The following XRN1 variants were observed in gnomAD, a reference collection of about 807,000 sequenced individuals.
XRN1 encodes strand-exchange protein 1 homolog.
Under a neutral mutation model 222.3 loss-of-function variants are expected in XRN1, and 67 were observed. The observed-to-expected ratio is 0.30, with a 90% CI of 0.25 to 0.37. The LOEUF (loss-of-function observed/expected upper bound fraction) is 0.37. Ranked by LOEUF, XRN1 falls within the 10% of genes least tolerant of loss-of-function variation. The pLI is 1.00. For synonymous variants in XRN1, 643 were observed against 652.4 expected (o/e 0.99, Z 0.22); for missense variants, 1,707 against 2,000.2 (o/e 0.85, Z 2.80).
intron 32 of XRN1, among the ~76,000 whole-genome samples, chr3:142,352,518 C>G (rs1437655269): frequency 6.6e-6 from 1 of 151,766 alleles, no homozygotes; most frequent in Non-Finnish European, 1.5e-5. Flanking sequence ...TTTATTTTAC[C>G]ATTTATGTTT....
intron 3 of XRN1, 118 bp from the exon 4 acceptor site, chr3:142,425,656 C>A: frequency 1.3e-6 from 1 of 755,630 alleles, no homozygotes; most frequent in Non-Finnish European, 2.1e-6. Flanking sequence ...TATAGGATCT[C>A]CAAAGAAGGT....
At chr3:142,347,377 C>T in intron 32 of XRN1, 35 bp from the exon 33 acceptor site, 4 of 1,318,626 alleles carry the variant, frequency 3.0e-6, no homozygotes, top group Non-Finnish European at 4.1e-6. Flanking sequence ...TAAACAAAAT[C>T]TTAATATTAT....
chr3:142,394,355 T>A (rs1464000590), intron 20 of XRN1, among the ~76,000 whole-genome samples: 3 of 152,112 alleles, frequency 2.0e-5, no homozygotes, highest in African/African-American at 7.2e-5. Flanking sequence ...AAACACAGGG[T>A]AGAATGTTTC....
chr3:142,397,204 A>C, intron 20 of XRN1, 125 bp downstream of exon 20: 1 of 933,062 alleles, frequency 1.1e-6, no homozygotes, highest in East Asian at 3.0e-5. Flanking sequence ...TTACTTTCTA[A>C]AACAGGATGA....
intron 1 of XRN1, among the ~76,000 whole-genome samples, chr3:142,437,305 T>G (rs2069958017): frequency 6.6e-6 from 1 of 152,250 alleles, no homozygotes. Context: ...TCTTACCATC[T>G]TATCCATTTC....
chr3:142,412,120 G>A lies in XRN1; in HGVS notation c.1713+424C>T, dbSNP rs113780914. Reference sequence around the variant, plus strand: ...ATTACAGGCGTGAGCCACCGCGCCCGGCCATCCTTACTGAATTTTTGTCCT... The same window carrying A: ...ATTACAGGCGTGAGCCACCGCGCCCAGCCATCCTTACTGAATTTTTGTCCT... On this transcript the variant is annotated intron_variant, in intron 15 of 40. Transcript: ENST00000392981. Among the ~76,000 whole-genome samples the A allele has an allele frequency of 5.0e-3, 768 of 152,158 alleles. 9 individuals are homozygous for A. Among genetic ancestry groups the A allele is most frequent in the African/African-American group, 0.018 (740 of 41,514 alleles).
chr3:142,346,744 G>A (rs2066154110), intron 33 of XRN1, among the ~76,000 whole-genome samples: 1 of 152,208 alleles, frequency 6.6e-6, no homozygotes, highest in Non-Finnish European at 1.5e-5. Context: ...GCCTCCCAAA[G>A]TGCTGGGATT....
rs369679936 is a variant in XRN1 at position 142,411,350 on chromosome 3, C to T, written c.1713+1194G>A. 2.6e-5 allele frequency among the ~76,000 whole-genome samples: 4 copies of T among 152,198 alleles called. No homozygotes were observed. In the East Asian group the frequency reaches 5.8e-4, roughly 22 times the overall value. ...TTTGTTCATTTTCTGTAGATTTCTGCTTCTTTTTATTTCCTTCATTCTGCT... is the reference window on the plus strand; with the variant it reads ...TTTGTTCATTTTCTGTAGATTTCTGTTTCTTTTTATTTCCTTCATTCTGCT... On this transcript the variant is annotated intron_variant, in intron 15 of 40. Transcript: ENST00000392981.
At chr3:142,317,996 C>T (rs2065253351) in intron 39 of XRN1, among the ~76,000 whole-genome samples, 1 of 152,244 alleles carries the variant, frequency 6.6e-6, no homozygotes, top group South Asian at 2.1e-4. Flanking sequence ...TGAGAAGAGA[C>T]AACTGCATGT....
intron 14 of XRN1, 123 bp from the exon 15 acceptor site, chr3:142,412,786 T>G (rs1483353774): frequency 6.7e-6 from 5 of 743,922 alleles, no homozygotes; most frequent in Non-Finnish European, 9.7e-6. Flanking sequence ...AAACTAAATT[T>G]TTGTACCTTT....
intron 22 of XRN1, among the ~76,000 whole-genome samples, chr3:142,381,558 T>C (rs1307665427): frequency 6.6e-6 from 1 of 151,044 alleles, no homozygotes; most frequent in African/African-American, 2.4e-5. Context: ...CCTTTTAAGT[T>C]ATTGCTTTTT....
chr3:142,440,123 G>A (rs1015602618), intron 1 of XRN1, among the ~76,000 whole-genome samples: 1 of 152,100 alleles, frequency 6.6e-6, no homozygotes, highest in Non-Finnish European at 1.5e-5. Context: ...AGGGCCAGGA[G>A]GTTAACTGTC....
At chr3:142,384,271 C>CAAAAA (rs369012282) in intron 21 of XRN1, among the ~76,000 whole-genome samples, 4 of 52,712 alleles carry the variant, frequency 7.6e-5, no homozygotes, top group African/African-American at 3.2e-4. Context: ...GACTCTGTCT[C>CAAAAA]AAAAAAAAAA....
intron 22 of XRN1, among the ~76,000 whole-genome samples, chr3:142,380,510 C>T (rs906563156): frequency 3.9e-5 from 6 of 151,924 alleles, no homozygotes; most frequent in African/African-American, 9.7e-5. Flanking sequence ...GTGGTATGGC[C>T]GTAGACAGGA....
chr3:142,340,525 C>G (rs189762148), intron 33 of XRN1, among the ~76,000 whole-genome samples: 2 of 151,608 alleles, frequency 1.3e-5, no homozygotes, highest in Non-Finnish European at 2.9e-5. Flanking sequence ...TAATTTCACA[C>G]AACTTCTCAT....
chr3:142,439,950 G>A (rs2070121427), intron 1 of XRN1, among the ~76,000 whole-genome samples: 1 of 152,170 alleles, frequency 6.6e-6, no homozygotes, highest in African/African-American at 2.4e-5. Flanking sequence ...GGGAATCACT[G>A]GAAGGCCCAC....
rs569180404 is a variant in XRN1, at chr3:142,355,064, G to C, written c.3768+337C>G. Among the ~76,000 whole-genome samples, 5 of 150,588 alleles carry C rather than the reference G, an allele frequency of 3.3e-5. No homozygotes were observed. The East Asian group carries it at 9.8e-4, about 30-fold the overall frequency. Reference sequence around the variant, plus strand: ...ATAAAAATGGGAATAACAGACACTGGGGGTTACTACAGATGGGGGAAGATA... The same window carrying C: ...ATAAAAATGGGAATAACAGACACTGCGGGTTACTACAGATGGGGGAAGATA... On this transcript the variant is annotated intron_variant, in intron 32 of 40. Transcript: ENST00000392981.
At chr3:142,429,963 C>T (rs2069452638) in intron 2 of XRN1, among the ~76,000 whole-genome samples, 1 of 152,156 alleles carries the variant, frequency 6.6e-6, no homozygotes, top group Non-Finnish European at 1.5e-5. Flanking sequence ...CTAGCAGGTG[C>T]ACTGTAGCTC....
At chr3:142,416,480 G>A (rs549915264) in intron 13 of XRN1, among the ~76,000 whole-genome samples, 26 of 152,158 alleles carry the variant, frequency 1.7e-4, no homozygotes, top group Admixed American at 4.6e-4. Context: ...CACTGTGCCC[G>A]AACACTTCAA....
Sources: allele counts gnomAD v4.1 joint callset (sites outside exome capture counted in the v4.1 genomes callset), GRCh38; gene constraint gnomAD v4.1.1; transcripts MANE v1.5; gene names NCBI Gene and HGNC (gene_info 2026-07-23, HGNC 2026-07-21).